Variants in MCF2L observed in about 807,000 individuals in gnomAD.
The protein encoded by MCF2L is MCF.2 cell line derived transforming sequence like, also known as guanine nucleotide exchange factor DBS.
Under a neutral mutation model 153.4 loss-of-function variants are expected in MCF2L, and 97 were observed. That is an observed-to-expected ratio of 0.63 (90% CI 0.54 to 0.75). The LOEUF is 0.75. Among genes scored for constraint, MCF2L ranks in the 30% least tolerant of loss-of-function variants. The probability of loss-of-function intolerance (pLI) is 0.00; values close to 1 mark genes in which losing one functional copy is unlikely to be tolerated. For missense variants in MCF2L, 1,347 were observed against 1,495.2 expected, an observed-to-expected ratio of 0.90 and a Z score of 1.64; for synonymous variants, 659 against 632.2, an observed-to-expected ratio of 1.04 and a Z score of -0.64.
At chr13:112,894,870 G>C (rs1326388282) in intron 1 of MCF2L, among the ~76,000 whole-genome samples, 1 of 144,710 alleles carries the variant, frequency 6.9e-6, no homozygotes, top group African/African-American at 2.5e-5. Flanking sequence ...CCAGGACAGC[G>C]CCTAGGGACA....
In MCF2L at chr13:113,098,281, T is replaced by C. The variant is rs889252365; in HGVS notation, c.*1422T>C. On this transcript the variant is annotated 3_prime_UTR_variant, in exon 30 of 30. Transcript: ENST00000535094. ...AGGGTGCGGAATCAAATAGGAAGCA[T>C]GCAGAGACTCGGCAGCTTTTCCTCT... 1 of 152,602 alleles carries C rather than the reference T, an allele frequency of 6.6e-6. No individual in the cohort carries two copies. Among genetic ancestry groups the C allele is most frequent in the Non-Finnish European group, 1.5e-5 (1 of 68,050 alleles). The allele number at this position is 152,602 out of a possible 1,614,324, so 9.5% of individuals were successfully genotyped here.
chr13:112,952,321 C>T (rs998494090), intron 2 of MCF2L, among the ~76,000 whole-genome samples: 9 of 152,196 alleles, frequency 5.9e-5, no homozygotes, highest in African/African-American at 2.2e-4. Flanking sequence ...TGCAGCCCCA[C>T]CCCTCCCTCC....
At chr13:113,095,983 G>A (rs190221022) in intron 27 of MCF2L, 333 of 378,474 alleles carry the variant, frequency 8.8e-4, no homozygotes, top group African/African-American at 6.9e-3. Context: ...GGGAGAGGGA[G>A]GGCAGAGGAC....
chr13:113,002,103 A>T, intron 1 of MCF2L: 1 of 1,213,846 alleles, frequency 8.2e-7, no homozygotes, highest in Non-Finnish European at 1.1e-6. Context: ...CTGCTGGGGC[A>T]GAAGCCCGGG....
chr13:112,928,255 G>A (rs187794845), intron 2 of MCF2L, among the ~76,000 whole-genome samples: 40 of 152,304 alleles, frequency 2.6e-4, no homozygotes, highest in African/African-American at 8.7e-4. Context: ...TCATTGCACC[G>A]TTTCTGATGT....
intron 1 of MCF2L, among the ~76,000 whole-genome samples, chr13:112,982,985 G>A (rs1420492951): frequency 6.6e-6 from 1 of 152,146 alleles, no homozygotes; most frequent in Non-Finnish European, 1.5e-5. Context: ...GTCCATGGTG[G>A]TGACGCTCAG....
In MCF2L at chr13:113,070,854, T is replaced by G. The variant is rs2032844455; in HGVS notation, c.996+681T>G. On this transcript the variant is annotated intron_variant, in intron 9 of 29. Coordinates refer to ENST00000535094, the MANE Select transcript of MCF2L (RefSeq NM_001112732.3). The surrounding 1 kb of genome is among the most constrained non-coding windows in gnomAD (Gnocchi z 5.6). The stretch of plus-strand genomic sequence containing the variant: ...ACCTGTTGAAGGGTATCTGGGTTGT[T>G]TCCGGATTTGAGTATTACAGATAAA... 6.6e-6 allele frequency among the ~76,000 whole-genome samples: 1 copy of G among 152,236 alleles called. No homozygotes were observed. The highest frequency in any genetic ancestry group is 6.5e-5 in the Admixed American group (1 of 15,278).
At position 113,097,322 on chromosome 13, in the gene MCF2L, G is replaced by A. The variant is rs2035744904; in HGVS notation, c.*463G>A. The A allele has an allele frequency of 6.3e-6, 1 of 158,840 alleles. No individual in the cohort carries two copies. 9.8% of individuals were successfully genotyped at this position (158,840 alleles called of 1,614,324 possible). A position where few individuals can be genotyped will look rare whatever the true frequency, so the allele number is the denominator to read the frequency against. On this transcript the variant is annotated 3_prime_UTR_variant, in exon 30 of 30. Transcript: ENST00000535094. Reference sequence around the variant, plus strand: ...ATCAATCCCGTGGCCATTTTTTGTGGTACTTTGGCCTCAATTCTTCACCAG... The same window carrying A: ...ATCAATCCCGTGGCCATTTTTTGTGATACTTTGGCCTCAATTCTTCACCAG...
chr13:113,064,333 A>T lies in MCF2L; in HGVS notation c.519A>T (p.Leu173Phe). 2 of 1,613,028 alleles carry T rather than the reference A, an allele frequency of 1.2e-6. No homozygotes were observed. Among genetic ancestry groups the T allele is most frequent in the Non-Finnish European group, 1.7e-6 (2 of 1,179,914 alleles). The change falls in exon 6 of 30, where the codon TTA becomes TTT. Residue 173 changes from leucine (L) to phenylalanine (F), a missense_variant. This residue lies in a region of MCF2L where 820 missense variants were observed against 921.2 expected (regional missense o/e 0.89). Transcript: ENST00000535094. The surrounding 1 kb of genome is among the most constrained non-coding windows in gnomAD (Gnocchi z 6.0). ...PVIMLSSVPD[L>F]HGYIDKSQLT... is the part of the protein sequence containing the mutation. Reference sequence around the variant, plus strand: ...TAATGCTGAGCTCCGTACCAGACTTACACGGTTACATCGATAAGTCGCAGC... The same window carrying T: ...TAATGCTGAGCTCCGTACCAGACTTTCACGGTTACATCGATAAGTCGCAGC...
At position 113,097,711 on chromosome 13, in the gene MCF2L, A is replaced by G. The variant is rs1414638869; in HGVS notation, c.*852A>G. Reference sequence around the variant, plus strand: ...TTTTAAAGAGCTTCACTGAATTAGGATATTTTTATTGCTTTTAAAGAAAAT... The same window carrying G: ...TTTTAAAGAGCTTCACTGAATTAGGGTATTTTTATTGCTTTTAAAGAAAAT... On this transcript the variant is annotated 3_prime_UTR_variant, in exon 30 of 30. Coordinates refer to ENST00000535094, the MANE Select transcript of MCF2L (RefSeq NM_001112732.3). The G allele has an allele frequency of 6.6e-6, 1 of 152,218 alleles. No individual in the cohort carries two copies. Among genetic ancestry groups the G allele is most frequent in the Non-Finnish European group, 1.5e-5 (1 of 68,040 alleles). The allele number at this position is 152,218 out of a possible 1,614,324, so 9.4% of individuals were successfully genotyped here.
chr13:112,942,800 C>T (rs1278460206), intron 2 of MCF2L, among the ~76,000 whole-genome samples: 1 of 152,180 alleles, frequency 6.6e-6, no homozygotes, highest in Non-Finnish European at 1.5e-5. Flanking sequence ...TTCTGCTCCC[C>T]TATTGTGGGT....
At chr13:112,968,194 G>T (rs2081930560), upstream of MCF2L, among the ~76,000 whole-genome samples, 1 of 143,156 alleles carries the variant, frequency 7.0e-6, no homozygotes, top group South Asian at 2.4e-4. Context: ...GGGCTCAAAT[G>T]ATCCTCCTGC....
intron 4 of MCF2L, chr13:113,052,868 GAC>G (rs2087452897): frequency 6.6e-6 from 1 of 151,582 alleles, no homozygotes; most frequent in Admixed American, 6.6e-5. Context: ...CACATACACA[GAC>G]ACACACATAT....
chr13:113,025,841 T>G, intron 3 of MCF2L, among the ~76,000 whole-genome samples: 3 of 145,162 alleles, frequency 2.1e-5, no homozygotes, highest in African/African-American at 5.1e-5. Flanking sequence ...CTCTGTGAGG[T>G]TTCATCATGG....
chr13:113,048,160 G>T (rs117194231), intron 4 of MCF2L, among the ~76,000 whole-genome samples: 1 of 152,260 alleles, frequency 6.6e-6, no homozygotes, highest in Non-Finnish European at 1.5e-5. Flanking sequence ...CGAGTGTCCT[G>T]TTCCGTTCAC....
At chr13:113,066,424 C>A (rs1012007990) in intron 8 of MCF2L, among the ~76,000 whole-genome samples, 2 of 152,216 alleles carry the variant, frequency 1.3e-5, no homozygotes, top group African/African-American at 4.8e-5. Flanking sequence ...AGAGCAAACG[C>A]CCTTTTGCCG....
chr13:112,918,606 T>C, intron 2 of MCF2L, among the ~76,000 whole-genome samples: 1 of 152,176 alleles, frequency 6.6e-6, no homozygotes, highest in East Asian at 1.9e-4. Flanking sequence ...GGCTCCAAAG[T>C]CAGCTGCCTT....
chr13:112,912,267 G>C (rs542756974), intron 2 of MCF2L, among the ~76,000 whole-genome samples: 1 of 152,206 alleles, frequency 6.6e-6, no homozygotes, highest in East Asian at 1.9e-4. Flanking sequence ...GGGTGTGAGT[G>C]TCCGGGGACA....
chr13:112,906,050 A>C (rs534663961), intron 2 of MCF2L, among the ~76,000 whole-genome samples: 49 of 152,352 alleles, frequency 3.2e-4, no homozygotes, highest in Non-Finnish European at 4.4e-5. Flanking sequence ...GTCTTTGAGA[A>C]GGTCACAGGA....
Sources: allele counts gnomAD v4.1 joint callset (sites outside exome capture counted in the v4.1 genomes callset), GRCh38; gene constraint gnomAD v4.1.1; regional missense constraint gnomAD v4.1.1; non-coding constraint Gnocchi (gnomAD v3.1); transcripts MANE v1.5; gene names NCBI Gene and HGNC (gene_info 2026-07-23, HGNC 2026-07-21).